The following ADA2 variants were observed in gnomAD, a reference collection of about 807,000 sequenced individuals.
The protein encoded by ADA2 is adenosine deaminase CECR1.
In ADA2, 29 loss-of-function variants were observed where a neutral mutation model predicts 44.2. That is an observed-to-expected ratio of 0.66 (90% confidence interval 0.49 to 0.89). ADA2 has a LOEUF of 0.89. ADA2 is among the 40% of genes least tolerant of loss of function. ADA2 has a pLI of 0.00. For synonymous variants in ADA2, 215 were observed against 234.9 expected, an observed-to-expected ratio of 0.92 and a Z score of 0.77; for missense variants, 637 against 644.8, an observed-to-expected ratio of 0.99 and a Z score of 0.13.
intron 1 of ADA2, among the ~76,000 whole-genome samples, chr22:17,218,568 C>T (rs886289609): frequency 6.6e-6 from 1 of 152,084 alleles, no homozygotes; most frequent in African/African-American, 2.4e-5. Flanking sequence ...CGCCCCTTGT[C>T]CCTGTCTCCC....
rs746663293 is a variant in ADA2, at chr22:17,182,574, TA to T, written c.1239+29del. 1.2e-5 allele frequency: 19 copies of T among 1,611,274 alleles called. No individual in the cohort carries two copies. In the South Asian group the frequency reaches 2.1e-4, roughly 18 times the overall value. On this transcript the variant is annotated intron_variant, in intron 8 of 9. Coordinates refer to ENST00000399837, the MANE Select transcript of ADA2 (RefSeq NM_001282225.2). ...CAGAGGTTGTGGTTAGGGGAGATCATATGGGATTAGCCACATGGGTCACACA... is the reference window on the plus strand; with the variant it reads ...CAGAGGTTGTGGTTAGGGGAGATCATTGGGATTAGCCACATGGGTCACACA...
Position 17,181,296 on chromosome 22 carries a change from T to G in ADA2, c.*187A>C. ...GACAGGAGAAAACCAAGAGGGTCAA[T>G]GTCACTGTGGCTGAGAGAGAATATT... On this transcript the variant is annotated 3_prime_UTR_variant, in exon 10 of 10. Coordinates refer to ENST00000399837, the MANE Select transcript of ADA2 (RefSeq NM_001282225.2). 4.9e-6 allele frequency: 3 copies of G among 614,082 alleles called. No individual in the cohort carries two copies. Among genetic ancestry groups the G allele is most frequent in the Non-Finnish European group, 2.9e-6 (1 of 340,626 alleles). The allele number at this position is 614,082 out of a possible 1,614,324, so 38.0% of individuals were successfully genotyped here. A position where few individuals can be genotyped will look rare whatever the true frequency, so the allele number is the denominator to read the frequency against.
At chr22:17,201,241 G>C (rs2123693113) in intron 4 of ADA2, among the ~76,000 whole-genome samples, 1 of 151,898 alleles carries the variant, frequency 6.6e-6, no homozygotes, top group East Asian at 1.9e-4. Context: ...AAGAAAAGAG[G>C]AGAATTTCCT....
upstream of ADA2, chr22:17,219,698 G>A (rs563114072): frequency 1.9e-5 from 2 of 102,992 alleles, no homozygotes; most frequent in Admixed American, 2.8e-4. Context: ...TTTGTAGACA[G>A]AGTTTCACTC....
chr22:17,180,957 G>T lies in ADA2; in HGVS notation c.*526C>A, dbSNP rs1351679572. 1.3e-5 allele frequency: 2 copies of T among 152,758 alleles called. No homozygotes were observed. The highest frequency in any genetic ancestry group is 2.9e-5 in the Non-Finnish European group (2 of 68,500). 9.5% of individuals were successfully genotyped at this position (152,758 alleles called of 1,614,324 possible). ...GTTGGATACCAGCCTCGCCAACATG[G>T]TGAAAACCTGTCTCTACTAAAAATG... On this transcript the variant is annotated 3_prime_UTR_variant, in exon 10 of 10. Coordinates refer to ENST00000399837, the MANE Select transcript of ADA2 (RefSeq NM_001282225.2).
At chr22:17,220,213 C>G (rs2062513224), upstream of ADA2, among the ~76,000 whole-genome samples, 1 of 151,506 alleles carries the variant, frequency 6.6e-6, no homozygotes. Context: ...GGGGGGAAAT[C>G]AGGGATGCGG....
intron 4 of ADA2, among the ~76,000 whole-genome samples, chr22:17,197,598 C>T (rs981623900): frequency 1.3e-5 from 2 of 152,214 alleles, no homozygotes; most frequent in African/African-American, 2.4e-5. Flanking sequence ...TCAGCTTTCA[C>T]TACCAGAGTA....
chr22:17,203,361 C>T (rs1173242498), intron 4 of ADA2, among the ~76,000 whole-genome samples: 1 of 152,062 alleles, frequency 6.6e-6, no homozygotes, highest in African/African-American at 2.4e-5. Flanking sequence ...AAGGGCAGCA[C>T]GGAATGTGTT....
intron 3 of ADA2, among the ~76,000 whole-genome samples, chr22:17,206,493 T>A (rs375263895): frequency 6.6e-6 from 1 of 151,980 alleles, no homozygotes; most frequent in African/African-American, 2.4e-5. Flanking sequence ...ATAATAATAA[T>A]AAATAACAAT....
intron 4 of ADA2, 29 bp from the exon 5 acceptor site, chr22:17,191,839 C>T: frequency 6.3e-7 from 1 of 1,598,270 alleles, no homozygotes; most frequent in Non-Finnish European, 8.5e-7. Flanking sequence ...CAGGAGCCGT[C>T]AGGTGAGCAG....
rs1384108926 is a variant in ADA2 at position 17,203,407 on chromosome 22, G to T, written c.753+156C>A. 2.6e-5 allele frequency among the ~76,000 whole-genome samples: 4 copies of T among 152,220 alleles called. No homozygotes were observed. In the South Asian group the frequency reaches 8.3e-4, roughly 32 times the overall value. Reference sequence around the variant, plus strand: ...CTGGAGGCTGCCCAGTCCATTTCAGGTTTCCTTGCTCATGTTGGCCCCTGG... The same window carrying T: ...CTGGAGGCTGCCCAGTCCATTTCAGTTTTCCTTGCTCATGTTGGCCCCTGG... On this transcript the variant is annotated intron_variant, in intron 4 of 9. Transcript: ENST00000399837.
At chr22:17,211,572 G>T (rs2062418552) in intron 1 of ADA2, among the ~76,000 whole-genome samples, 1 of 151,786 alleles carries the variant, frequency 6.6e-6, no homozygotes, top group South Asian at 2.1e-4. Flanking sequence ...AATCGAGGAT[G>T]CAATGAGCCA....
chr22:17,200,715 C>T (rs1383679221), intron 4 of ADA2, among the ~76,000 whole-genome samples: 2 of 151,666 alleles, frequency 1.3e-5, no homozygotes, highest in African/African-American at 2.4e-5. Context: ...AACCCTGTCT[C>T]TACTAATAAT....
chr22:17,201,400 A>G (rs2062285931), intron 4 of ADA2, among the ~76,000 whole-genome samples: 1 of 152,162 alleles, frequency 6.6e-6, no homozygotes, highest in Admixed American at 6.5e-5. Flanking sequence ...GGAGCGTATA[A>G]AAGCCTACAG....
intron 5 of ADA2, among the ~76,000 whole-genome samples, chr22:17,190,966 C>T (rs1420157149): frequency 1.3e-5 from 2 of 152,246 alleles, no homozygotes; most frequent in Admixed American, 6.5e-5. Context: ...AGCCCAGGCT[C>T]GTGGGTGAGC....
chr22:17,183,443 C>T lies in ADA2; in HGVS notation c.1082-682G>A, dbSNP rs376804872. The stretch of plus-strand genomic sequence containing the variant: ...CCCACAGTCCGCTTTCCTTCTTCCT[C>T]TTTTGTGGCACTCTTTTTTTTTTTT... On this transcript the variant is annotated intron_variant, in intron 7 of 9. Transcript: ENST00000399837. 2.7e-3 allele frequency among the ~76,000 whole-genome samples: 390 copies of T among 144,070 alleles called. 1 individual carries two copies. The highest frequency in any genetic ancestry group is 9.5e-3 in the African/African-American group (372 of 38,964). 94.5% of individuals were successfully genotyped at this position (144,070 alleles called of 152,430 possible).
chr22:17,194,019 G>GAAA (rs34572644), intron 4 of ADA2, among the ~76,000 whole-genome samples: 24 of 123,032 alleles, frequency 2.0e-4, no homozygotes, highest in African/African-American at 3.5e-4. Flanking sequence ...AAAAAGGAAT[G>GAAA]AAAAAAAAAA....
chr22:17,215,004 G>A (rs2062455440), intron 1 of ADA2, among the ~76,000 whole-genome samples: 1 of 152,214 alleles, frequency 6.6e-6, no homozygotes. Flanking sequence ...CAGGACCAGG[G>A]CAGAGCCCCA....
At chr22:17,201,367 T>G (rs2062285262) in intron 4 of ADA2, among the ~76,000 whole-genome samples, 1 of 152,222 alleles carries the variant, frequency 6.6e-6, no homozygotes, top group Non-Finnish European at 1.5e-5. Flanking sequence ...CTATCACTTC[T>G]GGGTCTACAA....
Sources: allele counts gnomAD v4.1 joint callset (sites outside exome capture counted in the v4.1 genomes callset), GRCh38; gene constraint gnomAD v4.1.1; transcripts MANE v1.5; gene names NCBI Gene and HGNC (gene_info 2026-07-23, HGNC 2026-07-21).